Variants in RBFOX1 observed in about 807,000 individuals in gnomAD.
RBFOX1 encodes RNA binding protein fox-1 homolog 1.
RBFOX1 carries 8 observed loss-of-function variants against 57.7 expected under a neutral mutation model. That is an observed-to-expected ratio of 0.14 (90% CI 0.08 to 0.25). The LOEUF is 0.25. RBFOX1 is among the 10% of genes least tolerant of loss of function. The pLI is 1.00. For missense variants in RBFOX1, 611 were observed against 548.5 expected, an observed-to-expected ratio of 1.11 and a Z score of -1.14; for synonymous variants, 326 against 222.4, an observed-to-expected ratio of 1.47 and a Z score of -4.15.
chr16:5,366,651 G>C (rs2065724659), intron 1 of RBFOX1: 1 of 431,424 alleles, frequency 2.3e-6, no homozygotes, highest in Non-Finnish European at 4.4e-6. Context: ...CTGACCAGGA[G>C]GCTATTCCCG....
intron 2 of RBFOX1, among the ~76,000 whole-genome samples, chr16:6,606,816 A>T (rs1004702516): frequency 6.6e-6 from 1 of 152,214 alleles, no homozygotes; most frequent in Non-Finnish European, 1.5e-5. Context: ...TGCAGTGAAC[A>T]TACGCGTGCA....
At chr16:5,620,903 T>G (rs1432077632) in intron 3 of RBFOX1, among the ~76,000 whole-genome samples, 2 of 151,690 alleles carry the variant, frequency 1.3e-5, no homozygotes, top group African/African-American at 4.9e-5. Context: ...TGCAGGAGTG[T>G]GATCTCGGCT....
rs546666606 is a variant in RBFOX1 at position 7,173,362 on chromosome 16, C to G, written c.27+121264C>G. Among the ~76,000 whole-genome samples the G allele has an allele frequency of 7.2e-5, 11 of 152,266 alleles. No homozygotes were observed. In the South Asian group the frequency reaches 8.3e-4, roughly 11 times the overall value. ...TCCACAACAGATGTCCTTCCAAACT[C>G]CATTCACTGTCATGCTATAAAACAG... On this transcript the variant is annotated intron_variant, in intron 4 of 15. Coordinates refer to ENST00000550418, the MANE Select transcript of RBFOX1 (RefSeq NM_018723.4).
rs568940771 is a variant in RBFOX1, at chr16:6,963,634, G to T, written c.-15-88423G>T. Reference sequence around the variant, plus strand: ...GTGGGGATAGTAAAAAGATCCAGGGGTGCCAGAGATTATGTGGGAGGGAGG... The same window carrying T: ...GTGGGGATAGTAAAAAGATCCAGGGTTGCCAGAGATTATGTGGGAGGGAGG... On this transcript the variant is annotated intron_variant, in intron 3 of 15. Coordinates refer to ENST00000550418, the MANE Select transcript of RBFOX1 (RefSeq NM_018723.4). 2.0e-5 allele frequency among the ~76,000 whole-genome samples: 3 copies of T among 152,150 alleles called. No homozygotes were observed. In the South Asian group the frequency reaches 6.2e-4, roughly 32 times the overall value.
intron 2 of RBFOX1, among the ~76,000 whole-genome samples, chr16:6,570,058 T>C (rs960258014): frequency 2.0e-5 from 3 of 152,224 alleles, no homozygotes; most frequent in Admixed American, 2.0e-4. Flanking sequence ...TTTGTTGTCA[T>C]GCGCTTGAAG....
chr16:5,469,469 T>G (rs1442716543), intron 2 of RBFOX1, among the ~76,000 whole-genome samples: 1 of 152,224 alleles, frequency 6.6e-6, no homozygotes, highest in Non-Finnish European at 1.5e-5. Flanking sequence ...GCTGCCTGAG[T>G]GATGGCACCA....
intron 1 of RBFOX1, among the ~76,000 whole-genome samples, chr16:6,196,743 G>A (rs757848087): frequency 4.6e-5 from 7 of 151,156 alleles, no homozygotes; most frequent in Non-Finnish European, 7.4e-5. Flanking sequence ...TAATACAAGC[G>A]ATATAAATGG....
chr16:5,607,099 C>T (rs898984701), intron 3 of RBFOX1, among the ~76,000 whole-genome samples: 1 of 152,226 alleles, frequency 6.6e-6, no homozygotes, highest in Non-Finnish European at 1.5e-5. Flanking sequence ...TGTCTCCTCA[C>T]TGGAGTGGGC....
intron 4 of RBFOX1, among the ~76,000 whole-genome samples, chr16:7,180,051 A>G (rs891299384): frequency 2.0e-5 from 3 of 151,940 alleles, no homozygotes; most frequent in South Asian, 4.1e-4. Context: ...ACCTTCCTAG[A>G]TATTTTGAAC....
intron 5 of RBFOX1, among the ~76,000 whole-genome samples, chr16:7,562,093 C>T (rs1248910700): frequency 6.6e-6 from 1 of 152,106 alleles, no homozygotes; most frequent in African/African-American, 2.4e-5. Flanking sequence ...GATTGCTAAG[C>T]TAGAGAACAA....
chr16:5,812,701 G>T (rs1268932287), intron 3 of RBFOX1, among the ~76,000 whole-genome samples: 1 of 152,074 alleles, frequency 6.6e-6, no homozygotes, highest in Non-Finnish European at 1.5e-5. Flanking sequence ...GCCTCAAGCA[G>T]TCCTTTCACC....
chr16:5,404,894 T>G (rs2066819911), intron 1 of RBFOX1, among the ~76,000 whole-genome samples: 1 of 152,214 alleles, frequency 6.6e-6, no homozygotes, highest in African/African-American at 2.4e-5. Context: ...CTTTCCAGCT[T>G]GGTCTTCAGG....
intron 3 of RBFOX1, among the ~76,000 whole-genome samples, chr16:6,739,864 A>C (rs1603484000): frequency 6.6e-6 from 1 of 152,134 alleles, no homozygotes; most frequent in African/African-American, 2.4e-5. Flanking sequence ...GTGACAGAGC[A>C]AGACTCTGTC....
intron 2 of RBFOX1, among the ~76,000 whole-genome samples, chr16:6,409,408 C>T (rs895865784): frequency 4.6e-5 from 7 of 152,140 alleles, no homozygotes; most frequent in Admixed American, 2.0e-4. Context: ...GAGCGAAACC[C>T]GGTCTCAAAA....
intron 3 of RBFOX1, among the ~76,000 whole-genome samples, chr16:6,949,031 C>T: frequency 6.6e-6 from 1 of 152,132 alleles, no homozygotes; most frequent in East Asian, 1.9e-4. Flanking sequence ...AAATTCGACT[C>T]TATGGAGTGT....
chr16:5,683,764 AATAT>A (rs1226431950), intron 3 of RBFOX1, among the ~76,000 whole-genome samples: 1 of 148,274 alleles, frequency 6.7e-6, no homozygotes, highest in Non-Finnish European at 1.5e-5. Context: ...TATAATATAT[AATAT>A]ATATACTGTA....
At chr16:6,083,846 C>T (rs1396804246) in intron 1 of RBFOX1, among the ~76,000 whole-genome samples, 1 of 152,116 alleles carries the variant, frequency 6.6e-6, no homozygotes, top group Non-Finnish European at 1.5e-5. Flanking sequence ...CTTCTCTAAC[C>T]CCGGGGGACA....
intron 8 of RBFOX1, among the ~76,000 whole-genome samples, chr16:7,596,990 C>A (rs994661773): frequency 6.6e-6 from 1 of 152,118 alleles, no homozygotes; most frequent in South Asian, 2.1e-4. Flanking sequence ...TCTCTCTTCT[C>A]CACTGCATGC....
intron 10 of RBFOX1, among the ~76,000 whole-genome samples, chr16:7,627,569 C>T (rs1402272681): frequency 7.9e-5 from 12 of 152,208 alleles, no homozygotes; most frequent in African/African-American, 2.7e-4. Flanking sequence ...GCTCAGTGGA[C>T]TCAATGAAGA....
Sources: gnomAD v4.1 joint callset for allele counts (sites outside exome capture counted in the v4.1 genomes callset) on GRCh38, gnomAD v4.1.1 for gene constraint, MANE v1.5 for transcripts, NCBI Gene and HGNC (gene_info 2026-07-23, HGNC 2026-07-21) for gene names.